TMEM196: variants seen among roughly 807,000 people sequenced by gnomAD.
TMEM196 encodes the protein transmembrane protein 196.
A neutral mutation model predicts 20.0 loss-of-function variants in TMEM196; 17 were observed. The observed-to-expected ratio is 0.85, with a 90% CI of 0.58 to 1.27. TMEM196 has a LOEUF of 1.27. Among genes scored for constraint, TMEM196 ranks in the 50% most tolerant of loss-of-function variants. The pLI, the probability that TMEM196 is intolerant of heterozygous loss-of-function variation, is 0.00. For missense variants in TMEM196, 267 were observed against 223.0 expected, an observed-to-expected ratio of 1.20 and a Z score of -1.26; for synonymous variants, 113 against 88.9, an observed-to-expected ratio of 1.27 and a Z score of -1.52.
chr7:19,748,102 A>G (rs937947932), intron 1 of TMEM196, among the ~76,000 whole-genome samples: 2 of 151,826 alleles, frequency 1.3e-5, no homozygotes, highest in African/African-American at 4.8e-5. Context: ...TTTATTATTT[A>G]TTATGATTAT....
rs545358631 is a variant in TMEM196 at position 19,766,689 on chromosome 7, G to T, written c.147+5861C>A. On this transcript the variant is annotated intron_variant, in intron 1 of 4. Coordinates refer to ENST00000405844, the MANE Select transcript of TMEM196 (RefSeq NM_001363562.2). ...ACTGTTGCAGTTTCTCTCACCTTTG[G>T]TCACCTTTAGTTTGCGTGTGTGTGT... Among the ~76,000 whole-genome samples, 8 of 151,108 alleles carry T rather than the reference G, an allele frequency of 5.3e-5. No homozygotes were observed. In the South Asian group the frequency reaches 1.5e-3, roughly 28 times the overall value.
At chr7:19,769,701 GA>G (rs60611571) in intron 1 of TMEM196, among the ~76,000 whole-genome samples, 5,563 of 150,848 alleles carry the variant, frequency 0.037, 275 homozygotes, top group East Asian at 0.13. Flanking sequence ...AAATATTTGG[GA>G]AAAAAAACAA....
In TMEM196 at chr7:19,719,361, T is replaced by C. The variant is rs1783742136; in HGVS notation, c.*2767A>G. ...TATTATAGACATGTCAGTAGAGTTA[T>C]CATTTCCTGTTCCACTTCCAAACCA... On this transcript the variant is annotated 3_prime_UTR_variant, in exon 5 of 5. Transcript: ENST00000405844. The C allele has an allele frequency of 6.7e-6, 1 of 149,406 alleles. No homozygotes were observed. The highest frequency in any genetic ancestry group is 2.4e-5 in the African/African-American group (1 of 41,230). The allele number at this position is 149,406 out of a possible 1,614,324, so 9.3% of individuals were successfully genotyped here. A position where few individuals can be genotyped will look rare whatever the true frequency, so the allele number is the denominator to read the frequency against.
rs1785963180 is a variant in TMEM196, at chr7:19,773,203, C to A, written c.-507G>T. On this transcript the variant is annotated 5_prime_UTR_variant, in exon 1 of 5. Transcript: ENST00000405844. Reference sequence around the variant, plus strand: ...GCTCCGAGTTTCTCTCTCCCTCTCCCGTTCGTCACCTCTCCTTTGTTTTCG... The same window carrying A: ...GCTCCGAGTTTCTCTCTCCCTCTCCAGTTCGTCACCTCTCCTTTGTTTTCG... The A allele has an allele frequency of 6.6e-6, 1 of 152,660 alleles. No individual in the cohort carries two copies. The highest frequency in any genetic ancestry group is 2.4e-5 in the African/African-American group (1 of 41,450). The allele number at this position is 152,660 out of a possible 1,614,324, so 9.5% of individuals were successfully genotyped here.
In TMEM196 at chr7:19,757,450, C is replaced by G. The variant is rs192382772; in HGVS notation, c.147+15100G>C. Among the ~76,000 whole-genome samples the G allele has an allele frequency of 1.8e-3, 278 of 150,506 alleles. 1 individual carries two copies. Among genetic ancestry groups the G allele is most frequent in the African/African-American group, 5.4e-3 (220 of 40,752 alleles). ...TGAACTCCTAACCTAGTCACTTGAC[C>G]AGGCTAGTCTCGAACTCCTAACCTC... On this transcript the variant is annotated intron_variant, in intron 1 of 4. Coordinates refer to ENST00000405844, the MANE Select transcript of TMEM196 (RefSeq NM_001363562.2).
intron 1 of TMEM196, among the ~76,000 whole-genome samples, chr7:19,762,610 G>C (rs867059663): frequency 1.3e-5 from 2 of 152,178 alleles, no homozygotes; most frequent in African/African-American, 4.8e-5. Context: ...CATCAAGTAT[G>C]ACTAAAATGT....
rs1211257991 is a variant in TMEM196 at position 19,719,716 on chromosome 7, A to G, written c.*2412T>C. On this transcript the variant is annotated 3_prime_UTR_variant, in exon 5 of 5. Coordinates refer to ENST00000405844, the MANE Select transcript of TMEM196 (RefSeq NM_001363562.2). ...CCTAACATCCCCCACTTATCTAAAAAAGAATCGCCGCACATCCCAAGTAAA... is the reference window on the plus strand; with the variant it reads ...CCTAACATCCCCCACTTATCTAAAAGAGAATCGCCGCACATCCCAAGTAAA... 6.6e-6 allele frequency: 1 copy of G among 152,128 alleles called. No individual in the cohort carries two copies. The highest frequency in any genetic ancestry group is 6.5e-5 in the Admixed American group (1 of 15,272). 9.4% of individuals were successfully genotyped at this position (152,128 alleles called of 1,614,324 possible).
chr7:19,761,697 C>T (rs1785442945), intron 1 of TMEM196, among the ~76,000 whole-genome samples: 1 of 152,080 alleles, frequency 6.6e-6, no homozygotes, highest in South Asian at 2.1e-4. Context: ...GTGACAGAAA[C>T]CTTTTCAGAG....
intron 1 of TMEM196, among the ~76,000 whole-genome samples, chr7:19,743,730 T>G (rs977922039): frequency 3.9e-5 from 6 of 152,136 alleles, no homozygotes; most frequent in African/African-American, 1.4e-4. Flanking sequence ...TTTGTTAAGT[T>G]CAAACTGGTT....
At chr7:19,729,482 G>A (rs1182078965) in intron 1 of TMEM196, 44 bp from the exon 2 acceptor site, 10 of 1,527,756 alleles carry the variant, frequency 6.5e-6, no homozygotes, top group African/African-American at 1.4e-5. Context: ...CCAAAGACAC[G>A]AGGACCCCTA....
At chr7:19,738,593 A>G (rs1318347299) in intron 1 of TMEM196, among the ~76,000 whole-genome samples, 1 of 152,106 alleles carries the variant, frequency 6.6e-6, no homozygotes, top group Non-Finnish European at 1.5e-5. Context: ...GGAAATATAT[A>G]AGATGAACAT....
At chr7:19,727,463 G>A (rs973633418) in intron 2 of TMEM196, among the ~76,000 whole-genome samples, 4 of 151,966 alleles carry the variant, frequency 2.6e-5, no homozygotes, top group Non-Finnish European at 2.9e-5. Flanking sequence ...AATAATGAAC[G>A]GGTAAAATCT....
intron 1 of TMEM196, among the ~76,000 whole-genome samples, chr7:19,737,181 A>G (rs1784435645): frequency 6.6e-6 from 1 of 152,072 alleles, no homozygotes; most frequent in Non-Finnish European, 1.5e-5. Context: ...TGAACAAAGA[A>G]GATACACAGA....
chr7:19,772,698 CT>C lies in TMEM196; in HGVS notation c.-3del. ...AATAATCTGACCGCTGGTGCACATC[CT>C]TCCTCGGTCATCTTCCTTCCAGATC... On this transcript the variant is annotated 5_prime_UTR_variant, in exon 1 of 5. Transcript: ENST00000405844. 1 of 1,506,394 alleles carries C rather than the reference CT, an allele frequency of 6.6e-7. No homozygotes were observed. The highest frequency in any genetic ancestry group is 8.9e-7 in the Non-Finnish European group (1 of 1,120,868). The allele number at this position is 1,506,394 out of a possible 1,614,324, so 93.3% of individuals were successfully genotyped here. A position where few individuals can be genotyped will look rare whatever the true frequency, so the allele number is the denominator to read the frequency against.
chr7:19,743,812 A>C (rs1045583088), intron 1 of TMEM196, among the ~76,000 whole-genome samples: 2 of 152,176 alleles, frequency 1.3e-5, no homozygotes, highest in Non-Finnish European at 2.9e-5. Context: ...GAGTCCTAAA[A>C]TCTTGACAAG....
intron 1 of TMEM196, among the ~76,000 whole-genome samples, chr7:19,738,476 C>A (rs933678815): frequency 6.6e-6 from 1 of 152,028 alleles, no homozygotes; most frequent in African/African-American, 2.4e-5. Flanking sequence ...GAGCAACATG[C>A]CAGTATCAAT....
chr7:19,767,859 TTTTA>T (rs1785701960), intron 1 of TMEM196, among the ~76,000 whole-genome samples: 1 of 151,962 alleles, frequency 6.6e-6, no homozygotes, highest in African/African-American at 2.4e-5. Flanking sequence ...TTTCACTTTA[TTTTA>T]TTTCTTTTTT....
rs1783978572 is a variant in TMEM196, at chr7:19,725,724, G to A, written c.249C>T (p.Gly83=). Residue 83 remains glycine (G), a synonymous_variant, in exon 3 of 5, where the codon GGC becomes GGT. Transcript: ENST00000405844. The stretch of plus-strand genomic sequence containing the variant: ...CCCGGAGGAACTGAAAATTCAGGAT[G>A]CCCCCAATAAGTCCACAGATACAGC... ...SACCICGLIG[G]ILNFQFLRAV... is the part of the protein sequence containing the mutation. The A allele has an allele frequency of 1.9e-6, 3 of 1,612,954 alleles. No homozygotes were observed. The highest frequency in any genetic ancestry group is 1.3e-5 in the African/African-American group (1 of 74,888).
chr7:19,757,215 C>A (rs1785253826), intron 1 of TMEM196, among the ~76,000 whole-genome samples: 1 of 149,842 alleles, frequency 6.7e-6, no homozygotes, highest in Non-Finnish European at 1.5e-5. Flanking sequence ...AGTTTGTCAC[C>A]CAGGCTGGAG....
Sources: allele counts gnomAD v4.1 joint callset (sites outside exome capture counted in the v4.1 genomes callset), GRCh38; gene constraint gnomAD v4.1.1; transcripts MANE v1.5; gene names NCBI Gene and HGNC (gene_info 2026-07-23, HGNC 2026-07-21).